Variants in PHF8 observed in about 807,000 individuals in gnomAD.
PHF8 encodes the protein histone lysine demethylase PHF8.
In PHF8, 9 loss-of-function variants were observed where a neutral mutation model predicts 74.4. That is an observed-to-expected ratio of 0.12 (90% CI 0.07 to 0.21). PHF8 has a LOEUF of 0.21. Ranked by LOEUF, PHF8 falls within the 10% of genes least tolerant of loss-of-function variation. PHF8 has a pLI of 1.00. For synonymous variants in PHF8, 311 were observed against 316.6 expected (o/e 0.98, Z 0.19); for missense variants, 478 against 816.6 (o/e 0.59, Z 5.05).
At chrX:54,034,955 G>A (rs1255114721) in intron 2 of PHF8, among the ~76,000 whole-genome samples, 7 of 110,419 alleles carry the variant, frequency 6.3e-5, no homozygotes, top group East Asian at 2.8e-4. Flanking sequence ...CAGGTGAGCC[G>A]TGACTGTTCC....
chrX:54,014,901 AGT>A (rs1346429881), intron 6 of PHF8, among the ~76,000 whole-genome samples: 1 of 111,977 alleles, frequency 8.9e-6, no homozygotes, highest in Non-Finnish European at 1.9e-5. Flanking sequence ...CCCATCTCAT[AGT>A]GTCTTCTTTA....
rs782030132 is a variant in PHF8, at chrX:53,937,035, T to A, written c.*2123A>T. 2 of 110,777 alleles carry A rather than the reference T, an allele frequency of 1.8e-5. No homozygotes were observed. Among genetic ancestry groups the A allele is most frequent in the Non-Finnish European group, 3.8e-5 (2 of 52,853 alleles). 9.1% of individuals were successfully genotyped at this position (110,777 alleles called of 1,213,427 possible). A position where few individuals can be genotyped will look rare whatever the true frequency, so the allele number is the denominator to read the frequency against. On this transcript the variant is annotated 3_prime_UTR_variant, in exon 22 of 22. Transcript: ENST00000338154. ...ATCTCATGGTGTTCTAAACCTTGAT[T>A]ACTAACACTCCCAACCCCTCCCCAA...
intron 2 of PHF8, among the ~76,000 whole-genome samples, chrX:54,032,847 G>C (rs782371588): frequency 5.4e-5 from 6 of 110,974 alleles, no homozygotes; most frequent in Non-Finnish European, 9.4e-5. Context: ...AGGAGACCCA[G>C]GTTTGATCTG....
rs1224254469 is a variant in PHF8, at chrX:54,003,824, G to T, written c.947-1142C>A. Among the ~76,000 whole-genome samples the T allele has an allele frequency of 1.5e-4, 17 of 111,762 alleles. No homozygotes were observed. In the Admixed American group the frequency reaches 1.5e-3, roughly 10 times the overall value. On this transcript the variant is annotated intron_variant, in intron 8 of 21. Transcript: ENST00000338154. Reference sequence around the variant, plus strand: ...CTTTAAGCTCTAGTATCCATAAGCTGCTTCACACAGTTTTGGTTTTCTTCC... The same window carrying T: ...CTTTAAGCTCTAGTATCCATAAGCTTCTTCACACAGTTTTGGTTTTCTTCC...
At position 54,034,823 on chromosome X, in the gene PHF8, C is replaced by CAA. The variant is rs1235099588; in HGVS notation, c.98+7806_98+7807dup. 3.2e-3 allele frequency among the ~76,000 whole-genome samples: 56 copies of CAA among 17,585 alleles called. 2 individuals carry two copies. Among genetic ancestry groups the CAA allele is most frequent in the African/African-American group, 6.8e-3 (40 of 5,890 alleles). The allele number at this position is 17,585 out of a possible 115,157, so 15.3% of individuals were successfully genotyped here. On this transcript the variant is annotated intron_variant, in intron 2 of 21. Transcript: ENST00000338154. ...TGGGCGACAGAGCGAGACTTCGTCT[C>CAA]AAAAAAAAAAAAAAAAAAAAAAAAA...
intron 19 of PHF8, among the ~76,000 whole-genome samples, chrX:53,959,889 G>A (rs1218129025): frequency 1.9e-5 from 2 of 104,173 alleles, no homozygotes; most frequent in Non-Finnish European, 3.9e-5. Context: ...AAAAAAAAAG[G>A]GAATGATGTA....
intron 2 of PHF8, among the ~76,000 whole-genome samples, chrX:54,035,499 G>A (rs1437512340): frequency 9.2e-6 from 1 of 109,132 alleles, no homozygotes; most frequent in Admixed American, 9.7e-5. Flanking sequence ...GAGATAACTC[G>A]GGCCAAGAGC....
chrX:54,008,460 G>A (rs1358222340), intron 8 of PHF8, among the ~76,000 whole-genome samples: 1 of 109,576 alleles, frequency 9.1e-6, no homozygotes, highest in Non-Finnish European at 1.9e-5. Context: ...AGGCCTAGGT[G>A]GGTGGATCAC....
In PHF8 at chrX:54,044,398, A is replaced by G. The variant is rs2066613191; in HGVS notation, c.-729T>C. 2 of 753,319 alleles carry G rather than the reference A, an allele frequency of 2.7e-6. No individual in the cohort carries two copies. The highest frequency in any genetic ancestry group is 3.1e-6 in the Non-Finnish European group (2 of 637,946). The allele number at this position is 753,319 out of a possible 1,213,427, so 62.1% of individuals were successfully genotyped here. A position where few individuals can be genotyped will look rare whatever the true frequency, so the allele number is the denominator to read the frequency against. On this transcript the variant is annotated 5_prime_UTR_variant, in exon 1 of 22. Transcript: ENST00000338154. The stretch of plus-strand genomic sequence containing the variant: ...AGGGGAGGAGAAATACGGGATAAAC[A>G]GCTACCATGTTGAGAGTGGCGGCGC...
chrX:53,987,679 A>G, intron 15 of PHF8, 87 bp downstream of exon 15: 1 of 856,388 alleles, frequency 1.2e-6, no homozygotes, highest in South Asian at 2.2e-5. Context: ...ATTGCACTCC[A>G]GCCTGGGCAA....
intron 1 of PHF8, chrX:54,043,162 C>T (rs185022840): frequency 1.3e-6 from 1 of 789,210 alleles, no homozygotes; most frequent in African/African-American, 2.3e-5. Context: ...CCTCCCCTAG[C>T]TGACCCCTGT....
intron 2 of PHF8, among the ~76,000 whole-genome samples, chrX:54,036,571 CAAAAAAAAAAAAAA>C (rs1160936317): frequency 1.6e-4 from 1 of 6,199 alleles, no homozygotes; most frequent in Admixed American, 2.3e-3. Flanking sequence ...GACACTGTCT[CAAAAAAAAAAAAAA>C]AAAAAAAAAA....
intron 12 of PHF8, chrX:53,995,287 C>T: frequency 5.9e-6 from 2 of 337,983 alleles, no homozygotes; most frequent in Non-Finnish European, 1.2e-5. Flanking sequence ...CCCACCACCA[C>T]GACCCACCGT....
At chrX:54,044,864 G>C (rs1285869289), upstream of PHF8, 22 of 1,150,687 alleles carry the variant, frequency 1.9e-5, no homozygotes, top group Non-Finnish European at 2.3e-5. Context: ...GGGTAGAGGC[G>C]GAGTACTCAC....
intron 8 of PHF8, among the ~76,000 whole-genome samples, chrX:54,009,267 G>T (rs1603335105): frequency 9.0e-6 from 1 of 111,537 alleles, no homozygotes; most frequent in African/African-American, 3.3e-5. Flanking sequence ...GAACTGAATT[G>T]TACCCTTTAA....
intron 19 of PHF8, among the ~76,000 whole-genome samples, chrX:53,948,502 A>G (rs1012216748): frequency 4.5e-5 from 5 of 110,037 alleles, no homozygotes; most frequent in African/African-American, 1.7e-4. Flanking sequence ...TAAACTCCTG[A>G]CCTCAAATGA....
At chrX:53,995,643 G>T in intron 12 of PHF8, 50 bp downstream of exon 12, 1 of 824,654 alleles carries the variant, frequency 1.2e-6, no homozygotes, top group Non-Finnish European at 1.8e-6. Flanking sequence ...TGCCACTTGA[G>T]CCTCAAGGCC....
At chrX:54,015,081 C>A (rs1190569059) in intron 6 of PHF8, among the ~76,000 whole-genome samples, 1 of 111,820 alleles carries the variant, frequency 8.9e-6, no homozygotes, top group African/African-American at 3.2e-5. Flanking sequence ...AGTCCATTTC[C>A]ACCAACCGGG....
chrX:54,030,458 C>T (rs1280926623), intron 2 of PHF8, among the ~76,000 whole-genome samples: 3 of 111,762 alleles, frequency 2.7e-5, no homozygotes, highest in Admixed American at 1.9e-4. Flanking sequence ...GCCAAGCACA[C>T]GGTAAGCAGT....
Sources: allele counts gnomAD v4.1 joint callset (sites outside exome capture counted in the v4.1 genomes callset), GRCh38; gene constraint gnomAD v4.1.1; transcripts MANE v1.5; gene names NCBI Gene and HGNC (gene_info 2026-07-23, HGNC 2026-07-21).